NEK9: variants seen among roughly 807,000 people sequenced by gnomAD.
The protein encoded by NEK9 is NIMA related kinase 9.
Under a neutral mutation model 123.4 loss-of-function variants are expected in NEK9, and 75 were observed. The observed-to-expected ratio is 0.61, with a 90% CI of 0.50 to 0.74. The LOEUF (loss-of-function observed/expected upper bound fraction) is 0.74. Ranked by LOEUF, NEK9 falls within the 30% of genes least tolerant of loss-of-function variation. NEK9 has a pLI of 0.00. For synonymous variants in NEK9, 438 were observed against 458.7 expected (o/e 0.95, Z 0.58); for missense variants, 952 against 1,214.4 (o/e 0.78, Z 3.21).
At chr14:75,118,745 GA>G in intron 5 of NEK9, 84 bp downstream of exon 5, 1 of 814,724 alleles carries the variant, frequency 1.2e-6, no homozygotes, top group Non-Finnish European at 2.0e-6. Context: ...AGAATATTGA[GA>G]AAAGTATGCA....
At chr14:75,116,730 T>G (rs1273048571) in intron 6 of NEK9, 1 of 170,280 alleles carries the variant, frequency 5.9e-6, no homozygotes, top group Non-Finnish European at 1.3e-5. Flanking sequence ...CGGGTTCAAG[T>G]GATCATTTCA....
At chr14:75,101,625 A>G (rs376422239) in intron 15 of NEK9, 32 bp downstream of exon 15, 50 of 1,447,946 alleles carry the variant, frequency 3.5e-5, no homozygotes, top group Middle Eastern at 3.5e-4. Flanking sequence ...CTCAGCTACT[A>G]AGGCATGTGA....
intron 16 of NEK9, among the ~76,000 whole-genome samples, chr14:75,100,360 C>T (rs184198582): frequency 0.013 from 1,942 of 152,058 alleles, 25 homozygotes; most frequent in South Asian, 0.028. Flanking sequence ...GCAGGAGAAT[C>T]GCTTGAACCT....
chr14:75,117,128 T>C, intron 6 of NEK9, 67 bp downstream of exon 6: 1 of 1,522,876 alleles, frequency 6.6e-7, no homozygotes, highest in East Asian at 2.3e-5. Context: ...ATAGAGTTGA[T>C]CTGCTTAGTC....
At position 75,101,741 on chromosome 14, in the gene NEK9, T is replaced by C; in HGVS notation, c.1756A>G (p.Thr586Ala). ...HEAYHEVPYT[T>A]SFTLAKQLSF... ...AACTGTTTGGCCAAGGTAAAGGACG[T>C]TGTGTAGGGAACTTCATGGTATGCC... Residue 586 changes from threonine (T) to alanine (A), a missense_variant, in exon 15 of 22, where the codon ACG (threonine) becomes GCG (alanine). Transcript: ENST00000238616. 6.2e-7 allele frequency: 1 copy of C among 1,613,940 alleles called. No individual in the cohort carries two copies. The highest frequency in any genetic ancestry group is 8.5e-7 in the Non-Finnish European group (1 of 1,179,780).
intron 8 of NEK9, 42 bp downstream of exon 8, chr14:75,113,297 C>CTTT: frequency 6.7e-7 from 1 of 1,492,938 alleles, no homozygotes; most frequent in Non-Finnish European, 9.3e-7. Context: ...TAAAAGTCAA[C>CTTT]TATCTCAGAA....
rs1018953553 is a variant in NEK9 at position 75,084,485 on chromosome 14, A to T, written c.*79T>A. The T allele has an allele frequency of 5.8e-6, 9 of 1,557,256 alleles. No individual in the cohort carries two copies. Among genetic ancestry groups the T allele is most frequent in the Non-Finnish European group, 7.9e-6 (9 of 1,137,840 alleles). On this transcript the variant is annotated 3_prime_UTR_variant, in exon 22 of 22. Transcript: ENST00000238616. ...TTCTGCAAGTGAACAAAGCCAGGAA[A>T]GCTGCTCTCTGCATTCGGTAAGTGT... is the stretch of plus-strand genomic sequence containing the variant.
At chr14:75,108,241 C>T (rs763530198) in intron 10 of NEK9, among the ~76,000 whole-genome samples, 4 of 151,930 alleles carry the variant, frequency 2.6e-5, no homozygotes, top group Non-Finnish European at 5.9e-5. Flanking sequence ...TCTCCTGCCT[C>T]AGCCTCCCAA....
intron 19 of NEK9, among the ~76,000 whole-genome samples, chr14:75,090,210 T>C (rs1330328265): frequency 6.6e-6 from 1 of 151,180 alleles, no homozygotes; most frequent in Non-Finnish European, 1.5e-5. Context: ...ACTCCTGGGC[T>C]CAAGCAATCC....
At chr14:75,086,911 AAAGT>A in intron 21 of NEK9, 103 bp downstream of exon 21, 1 of 1,212,180 alleles carries the variant, frequency 8.2e-7, no homozygotes, top group Middle Eastern at 2.4e-4. Flanking sequence ...TCTCAAAAAA[AAAGT>A]AAGGACCTGC....
rs61745420 is a variant in NEK9, at chr14:75,084,618, T to G, written c.2886A>C (p.Leu962Phe). Residue 962 changes from leucine to phenylalanine, a missense_variant, in exon 22 of 22, where the codon TTA (leucine) becomes TTC (phenylalanine). Transcript: ENST00000238616. The stretch of plus-strand genomic sequence containing the variant: ...CCAGGAGGCACCAGGAATCTGAATC[T>G]AAGTCAGGCTTTGGATCCATTTCCA... ...EEMEMDPKPDLDSDSWCLLGT... is the reference protein window; with the variant it reads ...EEMEMDPKPDFDSDSWCLLGT... 2.2e-3 allele frequency: 3,569 copies of G among 1,614,188 alleles called. 35 individuals carry two copies. The African/African-American group carries it at 0.031, about 14-fold the overall frequency.
intron 14 of NEK9, among the ~76,000 whole-genome samples, chr14:75,102,805 T>C (rs1284600546): frequency 6.6e-6 from 1 of 152,212 alleles, no homozygotes; most frequent in Non-Finnish European, 1.5e-5. Context: ...TTAATTTTAT[T>C]CTTTGGAAAA....
chr14:75,087,352 C>T (rs1894062591), intron 20 of NEK9, 122 bp from the exon 21 acceptor site: 6 of 661,356 alleles, frequency 9.1e-6, no homozygotes, highest in African/African-American at 1.8e-5. Context: ...CATATATACA[C>T]ATGAATATAT....
Position 75,097,284 on chromosome 14 carries a change from T to G in NEK9, c.2003-14A>C, listed in dbSNP as rs1430628746. 2 of 1,588,052 alleles carry G rather than the reference T, an allele frequency of 1.3e-6. No homozygotes were observed. The highest frequency in any genetic ancestry group is 3.6e-5 in the Admixed American group (2 of 55,394). ...AAATGTGATTATCTAGGAAAAAAGT[T>G]AAACAGTAGACCATTTAACAGAACA... On this transcript the variant is annotated splice_polypyrimidine_tract_variant and intron_variant, in intron 16 of 21. Coordinates refer to ENST00000238616, the MANE Select transcript of NEK9 (RefSeq NM_033116.6).
intron 17 of NEK9, 29 bp downstream of exon 17, chr14:75,097,071 T>C (rs1343694878): frequency 6.3e-7 from 1 of 1,575,560 alleles, no homozygotes; most frequent in East Asian, 2.2e-5. Context: ...GTCAAAGCCA[T>C]CCCAACCCCA....
intron 8 of NEK9, among the ~76,000 whole-genome samples, chr14:75,112,609 G>C (rs977606599): frequency 6.6e-6 from 1 of 152,150 alleles, no homozygotes; most frequent in African/African-American, 2.4e-5. Context: ...GGATTGCTTA[G>C]GCAACAGCTT....
At position 75,109,684 on chromosome 14, in the gene NEK9, C is replaced by G; in HGVS notation, c.1182+1G>C. The G allele has an allele frequency of 6.2e-7, 1 of 1,610,552 alleles. No homozygotes were observed. Among genetic ancestry groups the G allele is most frequent in the Non-Finnish European group, 8.5e-7 (1 of 1,178,742 alleles). On this transcript the variant is annotated splice_donor_variant, in intron 10 of 21. Transcript: ENST00000238616. LOFTEE classifies it high-confidence loss of function. The stretch of plus-strand genomic sequence containing the variant: ...TTCCAAAATGCTTAGCGTTCACTTA[C>G]CACCCAAGTGTACAGTTCCTTCTCC...
chr14:75,093,180 A>G (rs1306859272), intron 18 of NEK9, among the ~76,000 whole-genome samples: 2 of 152,204 alleles, frequency 1.3e-5, no homozygotes, highest in Admixed American at 1.3e-4. Flanking sequence ...TCAGTCACAC[A>G]AGCCACTCTC....
chr14:75,115,579 C>T (rs768461572), intron 6 of NEK9, among the ~76,000 whole-genome samples: 4 of 152,158 alleles, frequency 2.6e-5, no homozygotes, highest in Non-Finnish European at 4.4e-5. Context: ...AGAGAATCTC[C>T]GTGTGGGGAA....
Sources: gnomAD v4.1 joint callset for allele counts (sites outside exome capture counted in the v4.1 genomes callset) on GRCh38, gnomAD v4.1.1 for gene constraint, MANE v1.5 for transcripts, NCBI Gene and HGNC (gene_info 2026-07-23, HGNC 2026-07-21) for gene names.